SLC2A9: variants seen among roughly 807,000 people sequenced by gnomAD.
SLC2A9 encodes the protein solute carrier family 2, facilitated glucose transporter member 9.
Under a neutral mutation model 50.6 loss-of-function variants are expected in SLC2A9, and 39 were observed. That is an observed-to-expected ratio of 0.77 (90% confidence interval 0.60 to 1.01). The LOEUF (loss-of-function observed/expected upper bound fraction) is 1.01, where lower values mean the gene tolerates loss of function less well. Ranked by LOEUF, SLC2A9 falls within the 50% of genes least tolerant of loss-of-function variation. The pLI, the probability that SLC2A9 is intolerant of heterozygous loss-of-function variation, is 0.00. For missense variants in SLC2A9, 686 were observed against 677.6 expected (o/e 1.01, Z -0.14); for synonymous variants, 324 against 276.9 (o/e 1.17, Z -1.69).
chr4:10,038,506 C>CAAA lies in SLC2A9; in HGVS notation c.-41+1621_-41+1623dup, dbSNP rs35698968. Among the ~76,000 whole-genome samples, 100 of 49,402 alleles carry CAAA rather than the reference C, an allele frequency of 2.0e-3. 7 individuals are homozygous for CAAA. The highest frequency in any genetic ancestry group is 8.0e-3 in the South Asian group (9 of 1,120). The allele number at this position is 49,402 out of a possible 152,430, so 32.4% of individuals were successfully genotyped here. ...TGGGTGACAGAGTAAGACTCTGTCT[C>CAAA]AAAAAAAAAAAAAAAAAAAAAAAAA... On this transcript the variant is annotated intron_variant, in intron 1 of 12. Transcript: ENST00000309065.
chr4:9,852,236 T>C (rs1003346234), intron 10 of SLC2A9, among the ~76,000 whole-genome samples: 7 of 142,880 alleles, frequency 4.9e-5, no homozygotes, highest in Non-Finnish European at 9.1e-5. Flanking sequence ...TGGGGGCCTA[T>C]ATCCAGTATT....
intron 5 of SLC2A9, among the ~76,000 whole-genome samples, chr4:9,961,451 G>A (rs553564838): frequency 5.3e-5 from 8 of 152,266 alleles, no homozygotes; most frequent in Non-Finnish European, 7.4e-5. Context: ...AAAGCAATGG[G>A]GAAAGGATTC....
At chr4:9,828,444 C>T (rs1312214626) in intron 11 of SLC2A9, among the ~76,000 whole-genome samples, 4 of 152,196 alleles carry the variant, frequency 2.6e-5, no homozygotes, top group Admixed American at 6.5e-5. Context: ...GCTCAAAACC[C>T]ACCATGACTT....
intron 3 of SLC2A9, among the ~76,000 whole-genome samples, chr4:9,804,059 C>T (rs945464215): frequency 1.3e-5 from 2 of 152,270 alleles, no homozygotes; most frequent in South Asian, 2.1e-4. Context: ...AGGTGTTTTA[C>T]CCATGCATGT....
At chr4:9,826,032 T>A (rs1255658128), downstream of SLC2A9, among the ~76,000 whole-genome samples, 2 of 152,164 alleles carry the variant, frequency 1.3e-5, no homozygotes, top group Admixed American at 6.5e-5. Context: ...ACCAAATTGA[T>A]TTTTCTTTGA....
intron 10 of SLC2A9, among the ~76,000 whole-genome samples, chr4:9,839,967 G>A (rs561903798): frequency 2.4e-4 from 36 of 152,042 alleles, no homozygotes; most frequent in Middle Eastern, 3.4e-3. Flanking sequence ...CATGTACCCC[G>A]AACTTAAAAA....
chr4:9,962,375 T>C (rs892318565), intron 5 of SLC2A9, among the ~76,000 whole-genome samples: 15 of 152,348 alleles, frequency 9.8e-5, no homozygotes, highest in African/African-American at 3.6e-4. Context: ...TACTATGGAA[T>C]ACTATGCAGC....
chr4:10,012,584 G>A (rs1025263469), intron 2 of SLC2A9, among the ~76,000 whole-genome samples: 3 of 152,172 alleles, frequency 2.0e-5, no homozygotes, highest in Non-Finnish European at 2.9e-5. Flanking sequence ...GGGCTAAAGC[G>A]TGATGGAGGG....
At chr4:9,932,345 C>A (rs1315030958) in intron 6 of SLC2A9, among the ~76,000 whole-genome samples, 1 of 152,084 alleles carries the variant, frequency 6.6e-6, no homozygotes, top group Non-Finnish European at 1.5e-5. Flanking sequence ...CTACTGTATG[C>A]CAGGCACTGC....
At chr4:9,807,452 T>C (rs1722274718) in intron 3 of SLC2A9, among the ~76,000 whole-genome samples, 1 of 152,232 alleles carries the variant, frequency 6.6e-6, no homozygotes, top group South Asian at 2.1e-4. Context: ...TTGTTTGAGC[T>C]TCCATGGTTT....
chr4:9,985,622 C>T lies in SLC2A9; in HGVS notation c.535+47G>A, dbSNP rs368261141. The T allele has an allele frequency of 2.2e-4, 353 of 1,612,534 alleles. 2 individuals carry two copies. The highest frequency in any genetic ancestry group is 3.6e-5 in the Non-Finnish European group (43 of 1,179,282). On this transcript the variant is annotated intron_variant, in intron 4 of 11. Coordinates refer to ENST00000264784, the MANE Select transcript of SLC2A9 (RefSeq NM_020041.3). ...AACACTTCTCACATTTTGGGACACC[C>T]CCAAGGAGTATGTTACTGTTCCCTC... is the stretch of plus-strand genomic sequence containing the variant.
At chr4:10,031,504 G>A (rs1560511180) in intron 1 of SLC2A9, among the ~76,000 whole-genome samples, 1 of 152,244 alleles carries the variant, frequency 6.6e-6, no homozygotes, top group African/African-American at 2.4e-5. Flanking sequence ...AGGCCTCTCT[G>A]CTCCTGGGCA....
chr4:9,822,110 A>G (rs149781747), downstream of SLC2A9, among the ~76,000 whole-genome samples: 436 of 152,120 alleles, frequency 2.9e-3, no homozygotes, highest in Admixed American at 8.4e-3. Context: ...GTTGTGTCCT[A>G]TCTCTCTTAT....
chr4:9,996,633 G>A, intron 3 of SLC2A9, 148 bp downstream of exon 3: 1 of 1,008,776 alleles, frequency 9.9e-7, no homozygotes, highest in South Asian at 1.4e-5. Context: ...CTTGGTCTCT[G>A]ATTTCTTCCC....
intron 5 of SLC2A9, among the ~76,000 whole-genome samples, chr4:9,957,586 C>G (rs145740181): frequency 2.6e-5 from 4 of 152,142 alleles, no homozygotes; most frequent in Admixed American, 2.0e-4. Context: ...ATCAGTAATA[C>G]CCTCTAAAAT....
At chr4:10,034,631 C>T (rs1385593626) in intron 1 of SLC2A9, 2 of 152,380 alleles carry the variant, frequency 1.3e-5, no homozygotes, top group African/African-American at 4.8e-5. Flanking sequence ...TGAGGCAAAT[C>T]CCTTCCACTC....
At chr4:9,942,500 T>C (rs1159193400) in intron 5 of SLC2A9, among the ~76,000 whole-genome samples, 2 of 152,128 alleles carry the variant, frequency 1.3e-5, no homozygotes, top group Non-Finnish European at 2.9e-5. Context: ...CATTCAACCA[T>C]CTCTGTCTTC....
chr4:10,031,040 G>A (rs952368097), intron 1 of SLC2A9, among the ~76,000 whole-genome samples: 3 of 152,172 alleles, frequency 2.0e-5, no homozygotes, highest in African/African-American at 4.8e-5. Flanking sequence ...GCCTTTCAGG[G>A]GGCTTAGATT....
chr4:10,011,294 C>G (rs1024241553), intron 2 of SLC2A9, among the ~76,000 whole-genome samples: 3 of 152,166 alleles, frequency 2.0e-5, no homozygotes, highest in Non-Finnish European at 4.4e-5. Context: ...CCTGTCTGCC[C>G]ATTTCAGTCC....
Sources: gnomAD v4.1 joint callset for allele counts (sites outside exome capture counted in the v4.1 genomes callset) on GRCh38, gnomAD v4.1.1 for gene constraint, MANE v1.5 for transcripts, NCBI Gene and HGNC (gene_info 2026-07-23, HGNC 2026-07-21) for gene names.